Variants in MYBPHL observed in about 807,000 individuals in gnomAD.
MYBPHL encodes myosin binding protein H like, also known as myosin-binding protein H-like.
MYBPHL carries 32 observed loss-of-function variants against 39.5 expected under a neutral mutation model. The observed-to-expected ratio is 0.81, with a 90% confidence interval of 0.61 to 1.09. The LOEUF is 1.09. Among genes scored for constraint, MYBPHL ranks in the 50% least tolerant of loss-of-function variants. MYBPHL has a pLI of 0.00. For synonymous variants in MYBPHL, 196 were observed against 183.7 expected, an observed-to-expected ratio of 1.07 and a Z score of -0.54; for missense variants, 456 against 460.2, an observed-to-expected ratio of 0.99 and a Z score of 0.08.
Position 109,306,979 on chromosome 1 carries a change from T to G in MYBPHL, c.13A>C (p.Thr5Pro). ...GATCCTGCGGCCACCTCCGGAGCTG[T>G]GGCTGCCTCCATGCTGGGCCTTCCC... MEAA[T>P]APEVAAGSKL... is the part of the protein sequence containing the mutation. Residue 5 changes from threonine to proline, a missense_variant, in exon 1 of 9, where the codon ACA becomes CCA. By Grantham distance (38) the Thr-to-Pro change is conservative. Transcript: ENST00000357155. The G allele has an allele frequency of 6.2e-7, 1 of 1,610,910 alleles. No individual in the cohort carries two copies. The highest frequency in any genetic ancestry group is 8.5e-7 in the Non-Finnish European group (1 of 1,178,666).
intron 1 of MYBPHL, among the ~76,000 whole-genome samples, chr1:109,305,168 A>G (rs1303600847): frequency 6.6e-6 from 1 of 152,198 alleles, no homozygotes; most frequent in East Asian, 1.9e-4. Flanking sequence ...CATATCCACC[A>G]AAAGGTTAAG....
Position 109,297,066 on chromosome 1 carries a change from G to GC in MYBPHL, c.553dup (p.Ala185GlyfsTer2). The GC allele has an allele frequency of 6.2e-7, 1 of 1,614,138 alleles. No homozygotes were observed. Among genetic ancestry groups the GC allele is most frequent in the Non-Finnish European group, 8.5e-7 (1 of 1,180,016 alleles). Reference sequence around the variant, plus strand: ...TGGCCTCACCCCGGATTTTGTGTCAGCCTTCTGCACCGTGTATCCCAGAAG... The same window carrying GC: ...TGGCCTCACCCCGGATTTTGTGTCAGCCCTTCTGCACCGTGTATCCCAGAAG... On this transcript the variant is annotated frameshift_variant, in exon 4 of 9. Coordinates refer to ENST00000357155, the MANE Select transcript of MYBPHL (RefSeq NM_001010985.3). LOFTEE classifies it high-confidence loss of function.
At chr1:109,303,428 C>T (rs1018403057) in intron 1 of MYBPHL, among the ~76,000 whole-genome samples, 1 of 152,214 alleles carries the variant, frequency 6.6e-6, no homozygotes, top group Non-Finnish European at 1.5e-5. Context: ...AAACTTCCCA[C>T]CCACTCAGTG....
intron 6 of MYBPHL, 137 bp from the exon 7 acceptor site, chr1:109,295,434 G>T: frequency 4.1e-6 from 3 of 729,888 alleles, no homozygotes; most frequent in Non-Finnish European, 6.3e-6. Context: ...TATGTTGTGG[G>T]AAGGGTTTCC....
intron 3 of MYBPHL, 114 bp downstream of exon 3, chr1:109,297,308 C>A: frequency 1.3e-6 from 2 of 1,565,680 alleles, no homozygotes; most frequent in South Asian, 1.2e-5. Flanking sequence ...CCCTGTGTCC[C>A]AGACATGACG....
chr1:109,297,212 G>A (rs1658108800), intron 3 of MYBPHL, 23 bp from the exon 4 acceptor site: 3 of 1,614,172 alleles, frequency 1.9e-6, no homozygotes, highest in African/African-American at 1.3e-5. Context: ...AGCCATGGCA[G>A]TGGGCGTGGA....
chr1:109,305,340 A>T (rs1658427311), intron 1 of MYBPHL, among the ~76,000 whole-genome samples: 1 of 152,174 alleles, frequency 6.6e-6, no homozygotes, highest in Non-Finnish European at 1.5e-5. Context: ...AGGTGTTCTT[A>T]TTGCCAGTGA....
chr1:109,295,065 G>T, intron 7 of MYBPHL, 46 bp downstream of exon 7: 1 of 1,593,746 alleles, frequency 6.3e-7, no homozygotes, highest in African/African-American at 1.3e-5. Context: ...GGTGGAGAGA[G>T]GAGGTGACTG....
In MYBPHL at chr1:109,298,223, C is replaced by A. The variant is rs376631272; in HGVS notation, c.180G>T (p.Arg60Ser). Reference sequence around the variant, plus strand: ...CCCCAACCTTCCGGATGTAGGTCTGCCTCAGGGCCCGAGGTAGCCAGATCT... The same window carrying A: ...CCCCAACCTTCCGGATGTAGGTCTGACTCAGGGCCCGAGGTAGCCAGATCT... ...HPKIWLPRAL[R>S]QTYIRKVGDT... The change falls in exon 2 of 9, where the codon AGG becomes AGT. Residue 60 changes from arginine (R) to serine (S), a missense_variant. Coordinates refer to ENST00000357155, the MANE Select transcript of MYBPHL (RefSeq NM_001010985.3). 6.2e-7 allele frequency: 1 copy of A among 1,610,050 alleles called. No homozygotes were observed. Among genetic ancestry groups the A allele is most frequent in the African/African-American group, 1.3e-5 (1 of 74,744 alleles).
intron 1 of MYBPHL, among the ~76,000 whole-genome samples, chr1:109,301,361 G>A (rs1208248375): frequency 6.6e-6 from 1 of 152,104 alleles, no homozygotes; most frequent in Non-Finnish European, 1.5e-5. Flanking sequence ...GTCCTTTGAG[G>A]GCCTTTGGTT....
At chr1:109,296,114 G>C in intron 6 of MYBPHL, 120 bp downstream of exon 6, 2 of 1,266,376 alleles carry the variant, frequency 1.6e-6, no homozygotes, top group Non-Finnish European at 2.2e-6. Context: ...TGCTGTAGAA[G>C]AGGCAGATGG....
Position 109,297,151 on chromosome 1 carries a change from C to T in MYBPHL, c.469G>A (p.Val157Ile), listed in dbSNP as rs140919452. 18 of 1,614,210 alleles carry T rather than the reference C, an allele frequency of 1.1e-5. No individual in the cohort carries two copies. Among genetic ancestry groups the T allele is most frequent in the African/African-American group, 9.3e-5 (7 of 75,050 alleles). ...GPPQSIKLVD[V>I]WGFSATLEWT... is the part of the protein sequence containing the mutation. ...TCCAGTGTAGCGCTGAAGCCCCAAACGTCCACCAGCTTAATACTCTGAGGA... is the reference window on the plus strand; with the variant it reads ...TCCAGTGTAGCGCTGAAGCCCCAAATGTCCACCAGCTTAATACTCTGAGGA... Residue 157 changes from valine to isoleucine, a missense_variant, in exon 4 of 9, where the codon GTT becomes ATT. By Grantham distance (29) the Val-to-Ile change is conservative (BLOSUM62 3). Transcript: ENST00000357155.
chr1:109,299,323 C>G (rs1440350514), intron 1 of MYBPHL, among the ~76,000 whole-genome samples: 1 of 152,252 alleles, frequency 6.6e-6, no homozygotes, highest in Non-Finnish European at 1.5e-5. Context: ...CTGTGGCAAA[C>G]AGCATGACTG....
chr1:109,304,829 G>A (rs1299549554), intron 1 of MYBPHL, among the ~76,000 whole-genome samples: 1 of 152,216 alleles, frequency 6.6e-6, no homozygotes, highest in Non-Finnish European at 1.5e-5. Flanking sequence ...CATGTAGCAG[G>A]CTTGCCAAAC....
rs570118024 is a variant in MYBPHL at position 109,299,831 on chromosome 1, C to T, written c.146-1574G>A. ...TGAGTGACCCTGCTGTGGCTGCCCT[C>T]GGCTGGGCTCTGGTGGCTTGGGAGG... On this transcript the variant is annotated intron_variant, in intron 1 of 8. Transcript: ENST00000357155. Among the ~76,000 whole-genome samples the T allele has an allele frequency of 2.0e-4, 31 of 152,304 alleles. No homozygotes were observed. In the South Asian group the frequency reaches 5.6e-3, roughly 27 times the overall value.
intron 1 of MYBPHL, among the ~76,000 whole-genome samples, chr1:109,306,498 A>G (rs1215163374): frequency 1.3e-5 from 2 of 152,146 alleles, no homozygotes; most frequent in African/African-American, 4.8e-5. Flanking sequence ...CTTACCCCTC[A>G]GTCCCTTCCT....
intron 1 of MYBPHL, among the ~76,000 whole-genome samples, chr1:109,302,812 T>C (rs1034799662): frequency 2.6e-5 from 4 of 152,108 alleles, no homozygotes; most frequent in African/African-American, 7.2e-5. Context: ...CCAAAAAAAA[T>C]GTATGTTACC....
At chr1:109,298,454 C>G (rs537724215) in intron 1 of MYBPHL, among the ~76,000 whole-genome samples, 197 bp from the exon 2 acceptor site, 1 of 152,244 alleles carries the variant, frequency 6.6e-6, no homozygotes, top group African/African-American at 2.4e-5. Flanking sequence ...CCCCGGGAAA[C>G]ATTAAAGTCT....
intron 1 of MYBPHL, among the ~76,000 whole-genome samples, chr1:109,301,825 C>T (rs1658294205): frequency 6.6e-6 from 1 of 152,036 alleles, no homozygotes. Flanking sequence ...CTAATACCTA[C>T]CCTACTTTTA....
Sources: gnomAD v4.1 joint callset for allele counts (sites outside exome capture counted in the v4.1 genomes callset) on GRCh38, gnomAD v4.1.1 for gene constraint, MANE v1.5 for transcripts, NCBI Gene and HGNC (gene_info 2026-07-23, HGNC 2026-07-21) for gene names.